IRAG2: variants seen among roughly 807,000 people sequenced by gnomAD.
IRAG2 encodes the protein lymphoid restricted membrane protein.
In IRAG2, 45 loss-of-function variants were observed where a neutral mutation model predicts 69.9. The observed-to-expected ratio is 0.64, with a 90% CI of 0.51 to 0.83. IRAG2 has a LOEUF of 0.83. IRAG2 is among the 40% of genes least tolerant of loss of function. IRAG2 has a pLI of 0.00. For missense variants in IRAG2, 520 were observed against 587.0 expected (o/e 0.89, Z 1.18); for synonymous variants, 193 against 202.4 (o/e 0.95, Z 0.40).
In IRAG2 at chr12:25,079,458, A is replaced by G; in HGVS notation, c.132A>G (p.Ser44=). Residue 44 remains serine, a synonymous_variant, in exon 8 of 22, where the codon TCA becomes TCG. Coordinates refer to ENST00000556887, the MANE Select transcript of IRAG2 (RefSeq NM_001366544.2). ...HTSSTDGTIT[S]SDPGLEILNM... ...CATCGACAGACGGTACTATAACTTC[A>G]AGTGGTAAGTGGATTTGGAAATAAT... 3 of 1,611,412 alleles carry G rather than the reference A, an allele frequency of 1.9e-6. No homozygotes were observed. The highest frequency in any genetic ancestry group is 2.5e-6 in the Non-Finnish European group (3 of 1,177,544).
chr12:25,046,845 C>A (rs573249336), intron 16 of IRAG2, among the ~76,000 whole-genome samples: 1 of 152,028 alleles, frequency 6.6e-6, no homozygotes, highest in Non-Finnish European at 1.5e-5. Flanking sequence ...ACTTATGGAA[C>A]CATGAGGGAC....
exon 1 of IRAG2, chr12:25,004,698 C>T (rs1043469506): frequency 3.7e-5 from 45 of 1,232,004 alleles, no homozygotes; most frequent in Middle Eastern, 3.1e-4. Context: ...GTTCTGAAAA[C>T]GTCTCAAAGC....
At chr12:25,081,935 C>T (rs968556764) in intron 9 of IRAG2, among the ~76,000 whole-genome samples, 1 of 152,102 alleles carries the variant, frequency 6.6e-6, no homozygotes, top group Non-Finnish European at 1.5e-5. Context: ...TACTCTGTTG[C>T]CCAGGCTGGA....
chr12:25,041,192 G>A (rs1444214043), intron 16 of IRAG2, among the ~76,000 whole-genome samples: 1 of 152,176 alleles, frequency 6.6e-6, no homozygotes, highest in Non-Finnish European at 1.5e-5. Context: ...GGCTGGGGCA[G>A]GGTGGGGGGT....
chr12:25,043,992 A>G (rs1944771333), intron 16 of IRAG2, among the ~76,000 whole-genome samples: 1 of 152,228 alleles, frequency 6.6e-6, no homozygotes. Flanking sequence ...AAGAAAATAC[A>G]AACACAGAAC....
At chr12:25,096,810 T>G in intron 14 of IRAG2, 100 bp from the exon 15 acceptor site, 19 of 815,064 alleles carry the variant, frequency 2.3e-5, no homozygotes, top group Non-Finnish European at 3.1e-5. Context: ...CCGAAATAAT[T>G]GAGATTAGAA....
chr12:25,069,371 C>CCCCA lies in IRAG2; in HGVS notation c.-36_-33dup. On this transcript the variant is annotated 5_prime_UTR_variant, in exon 6 of 22. Transcript: ENST00000556887. ...CCAGGTGCCCAGGCCCCACAAGTGG[C>CCCCA]CCCAGCCCAGGAACGAATCTCTCAG... 6.2e-7 allele frequency: 1 copy of CCCCA among 1,606,676 alleles called. No individual in the cohort carries two copies. The highest frequency in any genetic ancestry group is 8.5e-7 in the Non-Finnish European group (1 of 1,173,834).
At chr12:25,031,918 T>C (rs1212347824) in intron 10 of IRAG2, among the ~76,000 whole-genome samples, 4 of 152,176 alleles carry the variant, frequency 2.6e-5, no homozygotes, top group Non-Finnish European at 5.9e-5. Context: ...CTCCTCGGCC[T>C]CCCAAAGTGT....
intron 15 of IRAG2, among the ~76,000 whole-genome samples, chr12:25,037,545 C>A (rs796666632): frequency 5.3e-5 from 8 of 152,260 alleles, no homozygotes; most frequent in African/African-American, 1.7e-4. Flanking sequence ...GTGATCCACC[C>A]ACCTCAGCCC....
chr12:25,016,841 AAT>A (rs1944533283), intron 5 of IRAG2, among the ~76,000 whole-genome samples: 1 of 152,196 alleles, frequency 6.6e-6, no homozygotes, highest in Non-Finnish European at 1.5e-5. Context: ...TTAGAAGACA[AAT>A]GTTGAGAGTG....
At chr12:25,045,762 T>C (rs78166727) in intron 16 of IRAG2, among the ~76,000 whole-genome samples, 2,044 of 150,792 alleles carry the variant, frequency 0.014, 45 homozygotes, top group African/African-American at 0.048. Context: ...AAAAGCCCAG[T>C]ATGAGATGGC....
chr12:25,074,742 T>G (rs1286357884), intron 6 of IRAG2, among the ~76,000 whole-genome samples: 1 of 152,244 alleles, frequency 6.6e-6, no homozygotes, highest in Non-Finnish European at 1.5e-5. Flanking sequence ...TTTCTCTGTT[T>G]TTCTTTTGGC....
At chr12:25,030,395 T>A in intron 10 of IRAG2, 1 of 1,134,724 alleles carries the variant, frequency 8.8e-7, no homozygotes, top group Non-Finnish European at 1.1e-6. Flanking sequence ...CAAATCTGAT[T>A]CTTTTTTTTT....
intron 3 of IRAG2, chr12:25,015,112 A>AAAAAAAAAAAAAAAAAAAAAAAAAAAG (rs1555125446): frequency 2.8e-6 from 1 of 360,094 alleles, no homozygotes; most frequent in Non-Finnish European, 3.8e-6. Flanking sequence ...AAAAAAAAAA[A>AAAAAAAAAAAAAAAAAAAAAAAAAAAG]GACAAAACTT....
At chr12:25,042,394 G>A (rs12580150) in intron 16 of IRAG2, among the ~76,000 whole-genome samples, 3,531 of 152,214 alleles carry the variant, frequency 0.023, 55 homozygotes, top group East Asian at 0.089. Flanking sequence ...CTCTTTACAT[G>A]ATGATAAAAT....
upstream of IRAG2, among the ~76,000 whole-genome samples, chr12:24,999,658 T>G (rs1302696617): frequency 6.6e-6 from 1 of 152,166 alleles, no homozygotes; most frequent in Admixed American, 6.5e-5. Context: ...GCAAACAATA[T>G]GTATAACATT....
chr12:25,066,902 G>A (rs542517876), intron 5 of IRAG2, among the ~76,000 whole-genome samples: 9 of 151,884 alleles, frequency 5.9e-5, no homozygotes, highest in East Asian at 1.9e-4. Flanking sequence ...TGCCCTCCTC[G>A]GCCTCCCAAA....
chr12:25,038,152 T>C, intron 16 of IRAG2: 1 of 398,792 alleles, frequency 2.5e-6, no homozygotes, highest in East Asian at 3.6e-5. Context: ...TGATCATTTA[T>C]ATATAAGAAA....
intron 2 of IRAG2, among the ~76,000 whole-genome samples, chr12:25,061,922 A>G (rs375106298): frequency 6.6e-6 from 1 of 152,328 alleles, no homozygotes; most frequent in East Asian, 1.9e-4. Flanking sequence ...CACTATATCT[A>G]TTAGCGAACA....
Sources: allele counts gnomAD v4.1 joint callset (sites outside exome capture counted in the v4.1 genomes callset), GRCh38; gene constraint gnomAD v4.1.1; transcripts MANE v1.5; gene names NCBI Gene and HGNC (gene_info 2026-07-23, HGNC 2026-07-21).